Variants in OSBPL3 observed in about 807,000 individuals in gnomAD.
OSBPL3 encodes the protein oxysterol binding protein like 3.
OSBPL3 carries 65 observed loss-of-function variants against 120.1 expected under a neutral mutation model. The observed-to-expected ratio is 0.54, with a 90% CI of 0.44 to 0.67. The LOEUF (loss-of-function observed/expected upper bound fraction) is 0.67, where lower values mean the gene tolerates loss of function less well. Ranked by LOEUF, OSBPL3 falls within the 30% of genes least tolerant of loss-of-function variation. The pLI is 0.00. For missense variants in OSBPL3, 1,004 were observed against 1,082.1 expected (o/e 0.93, Z 1.01); for synonymous variants, 416 against 402.6 (o/e 1.03, Z -0.40).
At chr7:24,981,108 C>T (rs1293213060), upstream of OSBPL3, among the ~76,000 whole-genome samples, 1 of 152,104 alleles carries the variant, frequency 6.6e-6, no homozygotes, top group Admixed American at 6.5e-5. The surrounding 1 kb of genome is among the most constrained non-coding windows in gnomAD (Gnocchi z 7.3). Flanking sequence ...ACTCACGGGG[C>T]TTGCATTTTT....
At chr7:24,903,410 A>C (rs112346512) in intron 1 of OSBPL3, among the ~76,000 whole-genome samples, 3 of 152,238 alleles carry the variant, frequency 2.0e-5, no homozygotes, top group African/African-American at 7.2e-5. Flanking sequence ...TTTGAAGTTC[A>C]CCGATAGACA....
At chr7:24,958,095 G>A (rs1317447861) in intron 1 of OSBPL3, among the ~76,000 whole-genome samples, 1 of 152,086 alleles carries the variant, frequency 6.6e-6, no homozygotes, top group Non-Finnish European at 1.5e-5. Context: ...TCTAAAAGGA[G>A]AATTGTTGGG....
chr7:24,970,563 A>C (rs115890602), intron 1 of OSBPL3, among the ~76,000 whole-genome samples: 309 of 152,294 alleles, frequency 2.0e-3, no homozygotes, highest in African/African-American at 6.2e-3. Flanking sequence ...CAATATATAG[A>C]GATATAGATA....
rs1272556347 is a variant in OSBPL3 at position 24,940,443 on chromosome 7, G to C, written c.-150+39443C>G. Among the ~76,000 whole-genome samples the C allele has an allele frequency of 1.3e-5, 2 of 152,152 alleles. No homozygotes were observed. Among genetic ancestry groups the C allele is most frequent in the Non-Finnish European group, 2.9e-5 (2 of 68,028 alleles). On this transcript the variant is annotated intron_variant, in intron 1 of 22. Transcript: ENST00000313367. The surrounding 1 kb of genome is among the most constrained non-coding windows in gnomAD (Gnocchi z 4.4). Reference sequence around the variant, plus strand: ...CACCAGGGGAGAAGTAAAGAGTGTGGAAGAGTAAAGACCAGACAGGCTGAA... The same window carrying C: ...CACCAGGGGAGAAGTAAAGAGTGTGCAAGAGTAAAGACCAGACAGGCTGAA...
In OSBPL3 at chr7:24,798,334, C is replaced by T. The variant is rs1791935760; in HGVS notation, c.*1849G>A. 6.6e-6 allele frequency: 1 copy of T among 152,198 alleles called. No homozygotes were observed. 9.4% of individuals were successfully genotyped at this position (152,198 alleles called of 1,614,324 possible). A position where few individuals can be genotyped will look rare whatever the true frequency, so the allele number is the denominator to read the frequency against. On this transcript the variant is annotated 3_prime_UTR_variant, in exon 23 of 23. Transcript: ENST00000313367. The surrounding 1 kb of genome is among the most constrained non-coding windows in gnomAD (Gnocchi z 4.6). ...AACAGCCAATATTACCACGATTCTA[C>T]ATTTATCCTCACACTGTGGAAACTA...
At chr7:24,942,103 T>C (rs1275190763) in intron 1 of OSBPL3, among the ~76,000 whole-genome samples, 1 of 151,878 alleles carries the variant, frequency 6.6e-6, no homozygotes, top group Admixed American at 6.6e-5. Flanking sequence ...ACCAGAAATG[T>C]ATGTTGTGTC....
intron 1 of OSBPL3, among the ~76,000 whole-genome samples, chr7:24,923,556 C>A (rs569641913): frequency 6.6e-6 from 1 of 151,938 alleles, no homozygotes; most frequent in South Asian, 2.1e-4. Context: ...GAGTATGGGA[C>A]GGCAGGGCAG....
intron 16 of OSBPL3, among the ~76,000 whole-genome samples, chr7:24,828,633 A>AAAAAAAAAAAAG (rs1554349993): frequency 3.6e-4 from 48 of 134,710 alleles, no homozygotes; most frequent in Non-Finnish European, 5.8e-4. Flanking sequence ...AAAAAAAAAA[A>AAAAAAAAAAAAG]AAAGGCATCG....
chr7:24,931,006 C>T (rs1021230808), intron 1 of OSBPL3, among the ~76,000 whole-genome samples: 1 of 152,156 alleles, frequency 6.6e-6, no homozygotes, highest in African/African-American at 2.4e-5. Context: ...TGTGGGAAGA[C>T]AGATGCTCCC....
At chr7:24,885,678 T>G (rs962697275) in intron 2 of OSBPL3, among the ~76,000 whole-genome samples, 1 of 152,252 alleles carries the variant, frequency 6.6e-6, no homozygotes, top group Admixed American at 6.5e-5. Flanking sequence ...GAATAGAGGC[T>G]GTGCTCTCTT....
rs1027136679 is a variant in OSBPL3 at position 24,851,690 on chromosome 7, T to G, written c.1158+814A>C. 6.6e-6 allele frequency among the ~76,000 whole-genome samples: 1 copy of G among 151,672 alleles called. No individual in the cohort carries two copies. Among genetic ancestry groups the G allele is most frequent in the African/African-American group, 2.4e-5 (1 of 41,262 alleles). On this transcript the variant is annotated intron_variant, in intron 11 of 22. Transcript: ENST00000313367. The surrounding 1 kb of genome is among the most constrained non-coding windows in gnomAD (Gnocchi z 4.1). ...CAAGAAAAGAGTAAAAGCAAATCAG[T>G]ATGCTATTTCAAAAGTTCTCTAGCC...
chr7:24,833,980 A>G lies in OSBPL3; in HGVS notation c.1746+506T>C, dbSNP rs745913620. Reference sequence around the variant, plus strand: ...AATAAGAGGGAGAGAGAAAAAAAGAATATTTCTGATGTGAAAACCTCCTCT... The same window carrying G: ...AATAAGAGGGAGAGAGAAAAAAAGAGTATTTCTGATGTGAAAACCTCCTCT... On this transcript the variant is annotated intron_variant, in intron 15 of 22. Transcript: ENST00000313367. The surrounding 1 kb of genome is among the most constrained non-coding windows in gnomAD (Gnocchi z 4.4). 5 of 391,132 alleles carry G rather than the reference A, an allele frequency of 1.3e-5. No individual in the cohort carries two copies. Among genetic ancestry groups the G allele is most frequent in the African/African-American group, 2.2e-5 (1 of 45,760 alleles). 24.2% of individuals were successfully genotyped at this position (391,132 alleles called of 1,614,324 possible).
intron 1 of OSBPL3, among the ~76,000 whole-genome samples, chr7:24,893,470 T>C (rs943305410): frequency 2.6e-5 from 4 of 151,270 alleles, no homozygotes; most frequent in African/African-American, 7.3e-5. Flanking sequence ...GAGGGGAGAG[T>C]AGAGTGACTG....
rs70942889 is a variant in OSBPL3 at position 24,854,502 on chromosome 7, GCACACACACACACACA to G, written c.1028-1884_1028-1869del. Among the ~76,000 whole-genome samples, 6 of 131,588 alleles carry G rather than the reference GCACACACACACACACA, an allele frequency of 4.6e-5. No individual in the cohort carries two copies. Among genetic ancestry groups the G allele is most frequent in the Admixed American group, 1.5e-4 (2 of 13,574 alleles). 86.3% of individuals were successfully genotyped at this position (131,588 alleles called of 152,430 possible). ...CACAACAATTTGTACACACACACAC[GCACACACACACACACA>G]CACACACACACACACACACAAACAC... On this transcript the variant is annotated intron_variant, in intron 10 of 22. Coordinates refer to ENST00000313367, the MANE Select transcript of OSBPL3 (RefSeq NM_015550.4). This position sits in a 1 kb window ranked among gnomAD's most constrained non-coding sequence, Gnocchi z 4.1.
chr7:24,832,046 A>T (rs1034518862), intron 15 of OSBPL3, among the ~76,000 whole-genome samples: 4 of 151,974 alleles, frequency 2.6e-5, no homozygotes, highest in African/African-American at 9.7e-5. Flanking sequence ...CTACAAAAAA[A>T]ATACAAAAGA....
chr7:24,901,372 A>T (rs1324540422), intron 1 of OSBPL3, among the ~76,000 whole-genome samples: 1 of 151,884 alleles, frequency 6.6e-6, no homozygotes, highest in East Asian at 1.9e-4. Context: ...AAAGAGAGAG[A>T]GAGTTGGTAA....
Position 24,815,891 on chromosome 7 carries a change from G to A in OSBPL3, c.2028-688C>T, listed in dbSNP as rs996671270. On this transcript the variant is annotated intron_variant, in intron 18 of 22. Coordinates refer to ENST00000313367, the MANE Select transcript of OSBPL3 (RefSeq NM_015550.4). This position sits in a 1 kb window ranked among gnomAD's most constrained non-coding sequence, Gnocchi z 5.1. ...GTGCCAGAGTGAGCAGGTGAATCTCGGCAGTCCAGTTTCAGAGTCCCTGCT... is the reference window on the plus strand; with the variant it reads ...GTGCCAGAGTGAGCAGGTGAATCTCAGCAGTCCAGTTTCAGAGTCCCTGCT... Among the ~76,000 whole-genome samples the A allele has an allele frequency of 7.2e-5, 11 of 152,170 alleles. No homozygotes were observed. Among genetic ancestry groups the A allele is most frequent in the African/African-American group, 2.7e-4 (11 of 41,430 alleles).
chr7:24,980,462 C>T (rs116646706), upstream of OSBPL3, among the ~76,000 whole-genome samples: 1,487 of 152,052 alleles, frequency 9.8e-3, 34 homozygotes, highest in African/African-American at 0.035. Flanking sequence ...GGGTGGGGCT[C>T]CCGGTGGCCC....
At chr7:24,923,424 G>A (rs879365284) in intron 1 of OSBPL3, among the ~76,000 whole-genome samples, 10 of 152,320 alleles carry the variant, frequency 6.6e-5, no homozygotes, top group Admixed American at 1.3e-4. Flanking sequence ...TCCTCAGAAC[G>A]TGGAAGTATT....
Sources: allele counts gnomAD v4.1 joint callset (sites outside exome capture counted in the v4.1 genomes callset), GRCh38; gene constraint gnomAD v4.1.1; non-coding constraint Gnocchi (gnomAD v3.1); transcripts MANE v1.5; gene names NCBI Gene and HGNC (gene_info 2026-07-23, HGNC 2026-07-21).